The following HOMER2 variants were observed in gnomAD, a reference collection of about 807,000 sequenced individuals.
The protein encoded by HOMER2 is homer scaffold protein 2.
Under a neutral mutation model 47.0 loss-of-function variants are expected in HOMER2, and 27 were observed. The ratio of observed to expected loss-of-function variants is 0.57; its 90% CI spans 0.42 to 0.79. The LOEUF (loss-of-function observed/expected upper bound fraction) is 0.79, where lower values mean the gene tolerates loss of function less well. Among genes scored for constraint, HOMER2 ranks in the 30% least tolerant of loss-of-function variants. The pLI, the probability that HOMER2 is intolerant of heterozygous loss-of-function variation, is 0.00. For missense variants in HOMER2, 443 were observed against 435.0 expected (o/e 1.02, Z -0.16); for synonymous variants, 161 against 163.8 (o/e 0.98, Z 0.13).
chr15:82,952,726 G>C, upstream of HOMER2: 3 of 980,888 alleles, frequency 3.1e-6, no homozygotes, highest in Non-Finnish European at 3.6e-6. Flanking sequence ...GGCGCGGGCG[G>C]GCGGGGGCTG....
At chr15:82,873,809 G>C (rs370161884) in intron 3 of HOMER2, among the ~76,000 whole-genome samples, 1 of 152,194 alleles carries the variant, frequency 6.6e-6, no homozygotes, top group African/African-American at 2.4e-5. Flanking sequence ...ACAGTCTGTG[G>C]GGTATCCCCA....
chr15:82,910,889 GGCT>G (rs1179067584), intron 1 of HOMER2, among the ~76,000 whole-genome samples: 1 of 151,936 alleles, frequency 6.6e-6, no homozygotes, highest in Non-Finnish European at 1.5e-5. Flanking sequence ...ACAAGAGGAA[GGCT>G]GCTCCACACA....
intron 1 of HOMER2, among the ~76,000 whole-genome samples, chr15:82,910,440 G>A (rs2053420225): frequency 6.6e-6 from 1 of 152,170 alleles, no homozygotes; most frequent in South Asian, 2.1e-4. Flanking sequence ...GGACCTTAAG[G>A]CAGGAGCTTG....
At chr15:82,905,514 G>T (rs949500707) in intron 1 of HOMER2, among the ~76,000 whole-genome samples, 1 of 151,904 alleles carries the variant, frequency 6.6e-6, no homozygotes, top group Non-Finnish European at 1.5e-5. Flanking sequence ...TATACCCTAG[G>T]CATATCACAT....
intron 6 of HOMER2, among the ~76,000 whole-genome samples, chr15:82,853,452 CTT>C (rs1567013014): frequency 6.6e-6 from 1 of 152,176 alleles, no homozygotes; most frequent in Non-Finnish European, 1.5e-5. Context: ...ACACGAGACA[CTT>C]TTATGTGGCA....
At chr15:82,974,976 AG>A (rs1648809773) in intron 1 of HOMER2, among the ~76,000 whole-genome samples, 1 of 152,324 alleles carries the variant, frequency 6.6e-6, no homozygotes, top group East Asian at 1.9e-4. Flanking sequence ...AGGCTGAGGC[AG>A]GAGAATCACG....
intron 1 of HOMER2, among the ~76,000 whole-genome samples, chr15:82,930,743 T>C (rs556575982): frequency 5.1e-4 from 78 of 152,338 alleles, no homozygotes; most frequent in African/African-American, 1.9e-3. Context: ...ACTTGCATTC[T>C]GGCTGGGTGT....
intron 1 of HOMER2, among the ~76,000 whole-genome samples, chr15:82,897,879 G>T (rs969683004): frequency 2.0e-5 from 3 of 152,188 alleles, no homozygotes; most frequent in African/African-American, 7.2e-5. Context: ...TTACAGCCTT[G>T]CAAGAGACCC....
rs538093087 is a variant in HOMER2 at position 82,893,698 on chromosome 15, C to T, written c.6-857G>A. Among the ~76,000 whole-genome samples the T allele has an allele frequency of 2.0e-5, 3 of 150,944 alleles. No individual in the cohort carries two copies. In the South Asian group the frequency reaches 6.3e-4, roughly 32 times the overall value. ...GGAGCGTAGTGATGCAATCATAGCT[C>T]ACTGCAGCCTGGATCTCTGAGGCTC... On this transcript the variant is annotated intron_variant, in intron 1 of 8. Coordinates refer to ENST00000450735, the MANE Select transcript of HOMER2 (RefSeq NM_004839.4).
chr15:82,963,589 C>T (rs551198011), intron 1 of HOMER2, among the ~76,000 whole-genome samples: 1 of 152,252 alleles, frequency 6.6e-6, no homozygotes, highest in South Asian at 2.1e-4. Context: ...TTAAACATTC[C>T]GATTCAATAC....
At chr15:82,943,060 GCCCAAAGGGCCAACTTCCCA>G (rs1211887622) in intron 1 of HOMER2, among the ~76,000 whole-genome samples, 7 of 152,178 alleles carry the variant, frequency 4.6e-5, no homozygotes, top group African/African-American at 1.7e-4. Context: ...TCCAGACGGT[GCCCAAAGGGCCAACTTCCCA>G]CCCAAAGAAG....
chr15:82,849,529 A>G lies in HOMER2; in HGVS notation c.*186T>C, dbSNP rs2051318224. 3.4e-6 allele frequency: 2 copies of G among 591,076 alleles called. No homozygotes were observed. Among genetic ancestry groups the G allele is most frequent in the Non-Finnish European group, 5.9e-6 (2 of 336,226 alleles). 36.6% of individuals were successfully genotyped at this position (591,076 alleles called of 1,614,324 possible). Reference sequence around the variant, plus strand: ...ATCTTCCAGTTGTCCACAACCTCACAAGGCCAGAGAAGCGAGAGGAGATTT... The same window carrying G: ...ATCTTCCAGTTGTCCACAACCTCACGAGGCCAGAGAAGCGAGAGGAGATTT... On this transcript the variant is annotated 3_prime_UTR_variant, in exon 9 of 9. Coordinates refer to ENST00000450735, the MANE Select transcript of HOMER2 (RefSeq NM_004839.4).
At chr15:82,952,907 G>A (rs1344475690), upstream of HOMER2, among the ~76,000 whole-genome samples, 1 of 151,994 alleles carries the variant, frequency 6.6e-6, no homozygotes, top group Non-Finnish European at 1.5e-5. Flanking sequence ...TTTCTCCCGG[G>A]CCACCCAGTC....
chr15:82,879,332 C>T (rs2052451346), intron 2 of HOMER2, among the ~76,000 whole-genome samples: 1 of 152,144 alleles, frequency 6.6e-6, no homozygotes. Context: ...CCCATCTCGA[C>T]TAAAAATACA....
At chr15:82,984,909 T>C (rs1416875878) in intron 1 of HOMER2, among the ~76,000 whole-genome samples, 1 of 152,182 alleles carries the variant, frequency 6.6e-6, no homozygotes, top group African/African-American at 2.4e-5. Context: ...TACAGTTTAA[T>C]AGGGGGAAAG....
chr15:82,871,577 T>C lies in HOMER2; in HGVS notation c.294+3696A>G, dbSNP rs147705733. On this transcript the variant is annotated intron_variant, in intron 3 of 8. Transcript: ENST00000450735. ...TCAGAGAGCAGGGGAAGAAGTTGAT[T>C]TGAAACATTTGGACAAAGGGGTTAT... 1.8e-4 allele frequency among the ~76,000 whole-genome samples: 28 copies of C among 152,318 alleles called. No homozygotes were observed. The East Asian group carries it at 3.7e-3, about 20-fold the overall frequency.
intron 4 of HOMER2, among the ~76,000 whole-genome samples, chr15:82,859,914 G>A (rs1193036307): frequency 1.3e-5 from 2 of 151,994 alleles, no homozygotes; most frequent in Non-Finnish European, 2.9e-5. Flanking sequence ...AACCCGGGGG[G>A]TGGGGAGGGG....
At chr15:82,864,053 A>G in intron 4 of HOMER2, 114 bp downstream of exon 4, 1 of 623,734 alleles carries the variant, frequency 1.6e-6, no homozygotes, top group Non-Finnish European at 2.8e-6. Flanking sequence ...TAGTTGAAAA[A>G]GCCTTCAAAA....
At chr15:82,915,910 T>C (rs2053578585) in intron 1 of HOMER2, among the ~76,000 whole-genome samples, 1 of 152,242 alleles carries the variant, frequency 6.6e-6, no homozygotes, top group Non-Finnish European at 1.5e-5. Flanking sequence ...GTGCGAAAAG[T>C]ACCACTTGGC....
Sources: gnomAD v4.1 joint callset for allele counts (sites outside exome capture counted in the v4.1 genomes callset) on GRCh38, gnomAD v4.1.1 for gene constraint, MANE v1.5 for transcripts, NCBI Gene and HGNC (gene_info 2026-07-23, HGNC 2026-07-21) for gene names.